Variants in PTPRM observed in about 807,000 individuals in gnomAD.
PTPRM encodes receptor-type tyrosine-protein phosphatase mu.
In PTPRM, 47 loss-of-function variants were observed where a neutral mutation model predicts 186.7. That is an observed-to-expected ratio of 0.25 (90% CI 0.20 to 0.32). PTPRM has a LOEUF of 0.32. Among genes scored for constraint, PTPRM ranks in the 10% least tolerant of loss-of-function variants. PTPRM has a pLI of 1.00. For synonymous variants in PTPRM, 668 were observed against 674.9 expected (o/e 0.99, Z 0.16); for missense variants, 1,494 against 1,865.0 (o/e 0.80, Z 3.66).
chr18:7,734,453 G>A (rs1253814620), intron 1 of PTPRM, among the ~76,000 whole-genome samples: 2 of 152,160 alleles, frequency 1.3e-5, no homozygotes, highest in Admixed American at 1.3e-4. Flanking sequence ...AGAGTTTAAT[G>A]TTATAATTAA....
chr18:8,037,385 A>G (rs79450953), intron 7 of PTPRM, among the ~76,000 whole-genome samples: 2,991 of 152,276 alleles, frequency 0.02, 50 homozygotes, highest in Non-Finnish European at 0.026. Context: ...TAGATGTTTG[A>G]AAAGTCTCCC....
At chr18:7,751,959 G>A (rs2041239627) in intron 1 of PTPRM, among the ~76,000 whole-genome samples, 1 of 152,172 alleles carries the variant, frequency 6.6e-6, no homozygotes, top group Non-Finnish European at 1.5e-5. Context: ...CAAGTTTGAC[G>A]GGACATAGGG....
At chr18:8,102,480 G>A (rs1284103711) in intron 11 of PTPRM, among the ~76,000 whole-genome samples, 1 of 152,182 alleles carries the variant, frequency 6.6e-6, no homozygotes, top group Non-Finnish European at 1.5e-5. Flanking sequence ...AGTGGTCACA[G>A]CATCTTCATC....
chr18:7,742,631 G>A lies in PTPRM; in HGVS notation c.74-31518G>A, dbSNP rs527852067. ...AGGTGGGAGGATCACTTGAGCTCAG[G>A]AATTCGAGACCAGCTTGGACAACAT... On this transcript the variant is annotated intron_variant, in intron 1 of 32. Coordinates refer to ENST00000580170, the MANE Select transcript of PTPRM (RefSeq NM_001105244.2). Among the ~76,000 whole-genome samples, 16 of 152,244 alleles carry A rather than the reference G, an allele frequency of 1.1e-4. No individual in the cohort carries two copies. In the East Asian group the frequency reaches 2.3e-3, roughly 22 times the overall value.
intron 23 of PTPRM, among the ~76,000 whole-genome samples, chr18:8,369,246 C>T (rs114995123): frequency 1.1e-4 from 17 of 152,286 alleles, no homozygotes; most frequent in African/African-American, 3.9e-4. Context: ...TTTAAAAACT[C>T]GTTCTTACCT....
intron 2 of PTPRM, among the ~76,000 whole-genome samples, chr18:7,851,548 G>T (rs1268918749): frequency 6.6e-6 from 1 of 152,056 alleles, no homozygotes; most frequent in Non-Finnish European, 1.5e-5. Context: ...ATTGACATCT[G>T]CAAGGTACAG....
At chr18:7,772,387 C>CTTTA (rs1231619868) in intron 1 of PTPRM, among the ~76,000 whole-genome samples, 2 of 114,928 alleles carry the variant, frequency 1.7e-5, no homozygotes, top group Non-Finnish European at 3.7e-5. Context: ...TTCTTTCTTT[C>CTTTA]TTTCTTTCTT....
intron 23 of PTPRM, among the ~76,000 whole-genome samples, chr18:8,348,024 ATTG>A (rs1197456554): frequency 1.3e-5 from 2 of 152,200 alleles, no homozygotes; most frequent in African/African-American, 4.8e-5. Flanking sequence ...GCTGTTTCCC[ATTG>A]TTAATCCTGC....
At chr18:7,590,005 C>G (rs777526077) in intron 1 of PTPRM, among the ~76,000 whole-genome samples, 2 of 152,136 alleles carry the variant, frequency 1.3e-5, no homozygotes, top group Admixed American at 6.5e-5. Flanking sequence ...CAACTTGTCT[C>G]TAATGGGAAG....
chr18:7,709,884 A>G (rs1360856287), intron 1 of PTPRM, among the ~76,000 whole-genome samples: 1 of 152,172 alleles, frequency 6.6e-6, no homozygotes, highest in African/African-American at 2.4e-5. Context: ...GACCAATAAC[A>G]AGCAGTGAGA....
At chr18:7,886,393 A>G (rs914917733) in intron 2 of PTPRM, among the ~76,000 whole-genome samples, 3 of 152,190 alleles carry the variant, frequency 2.0e-5, no homozygotes, top group Non-Finnish European at 4.4e-5. Flanking sequence ...TGACAGTTAA[A>G]GTTCTTCCTT....
chr18:7,919,935 A>G (rs1301412404), intron 4 of PTPRM, among the ~76,000 whole-genome samples: 3 of 152,114 alleles, frequency 2.0e-5, no homozygotes, highest in Non-Finnish European at 4.4e-5. Flanking sequence ...TTATCATTAT[A>G]TAATTACCAT....
intron 1 of PTPRM, among the ~76,000 whole-genome samples, chr18:7,651,854 T>G (rs551248500): frequency 6.6e-6 from 1 of 152,068 alleles, no homozygotes; most frequent in Non-Finnish European, 1.5e-5. Flanking sequence ...AAGGACTTCA[T>G]GTCTAAAACA....
Position 7,567,418 on chromosome 18 carries a change from G to C in PTPRM, c.-401G>C, listed in dbSNP as rs2036451297. ...TTGGGGCTGCCTGTGGAGAGGCGGCGGGCGGAACGCGCGCGGCCACGGCCA... is the reference window on the plus strand; with the variant it reads ...TTGGGGCTGCCTGTGGAGAGGCGGCCGGCGGAACGCGCGCGGCCACGGCCA... On this transcript the variant is annotated 5_prime_UTR_variant, in exon 1 of 33. Coordinates refer to ENST00000580170, the MANE Select transcript of PTPRM (RefSeq NM_001105244.2). This position sits in a 1 kb window ranked among gnomAD's most constrained non-coding sequence, Gnocchi z 4.3. 6.6e-6 allele frequency: 1 copy of C among 151,750 alleles called. No individual in the cohort carries two copies. Among genetic ancestry groups the C allele is most frequent in the Admixed American group, 6.6e-5 (1 of 15,054 alleles). The allele number at this position is 151,750 out of a possible 1,614,324, so 9.4% of individuals were successfully genotyped here.
At chr18:8,206,203 G>A (rs1205823503) in intron 14 of PTPRM, among the ~76,000 whole-genome samples, 1 of 151,892 alleles carries the variant, frequency 6.6e-6, no homozygotes, top group Non-Finnish European at 1.5e-5. Flanking sequence ...GAGATGAGGG[G>A]GAGAGAGAAG....
chr18:7,869,681 A>AG (rs1170236200), intron 2 of PTPRM, among the ~76,000 whole-genome samples: 67 of 152,248 alleles, frequency 4.4e-4, no homozygotes, highest in African/African-American at 1.5e-3. Context: ...TAGATTTTTA[A>AG]GCTTCCCAAG....
chr18:8,323,548 T>G (rs1018692150), intron 22 of PTPRM, among the ~76,000 whole-genome samples: 2 of 152,194 alleles, frequency 1.3e-5, no homozygotes, highest in African/African-American at 4.8e-5. Flanking sequence ...CTTTTTTGAG[T>G]TTAGGTGCCT....
At chr18:8,050,492 A>G (rs1239123660) in intron 7 of PTPRM, among the ~76,000 whole-genome samples, 3 of 145,768 alleles carry the variant, frequency 2.1e-5, no homozygotes, top group Admixed American at 6.9e-5. Flanking sequence ...TAGTTTCCTG[A>G]AAAAAAAAAA....
intron 31 of PTPRM, among the ~76,000 whole-genome samples, chr18:8,392,131 A>G (rs1203071321): frequency 1.3e-5 from 2 of 152,172 alleles, no homozygotes; most frequent in Middle Eastern, 3.2e-3. Flanking sequence ...TACCAACCAA[A>G]TCCAATCTGT....
Sources: allele counts gnomAD v4.1 joint callset (sites outside exome capture counted in the v4.1 genomes callset), GRCh38; gene constraint gnomAD v4.1.1; non-coding constraint Gnocchi (gnomAD v3.1); transcripts MANE v1.5; gene names NCBI Gene and HGNC (gene_info 2026-07-23, HGNC 2026-07-21).